Variants in HOXC4 observed in about 807,000 individuals in gnomAD.
HOXC4 encodes homeobox protein Hox-C4.
Under a neutral mutation model 25.5 loss-of-function variants are expected in HOXC4, and 15 were observed. That is an observed-to-expected ratio of 0.59 (90% CI 0.39 to 0.91). The LOEUF (loss-of-function observed/expected upper bound fraction) is 0.91, where lower values mean the gene tolerates loss of function less well. Among genes scored for constraint, HOXC4 ranks in the 40% least tolerant of loss-of-function variants. The probability of loss-of-function intolerance (pLI) is 0.00; values close to 1 mark genes in which losing one functional copy is unlikely to be tolerated. For synonymous variants in HOXC4, 165 were observed against 148.0 expected (o/e 1.11, Z -0.83); for missense variants, 342 against 352.4 (o/e 0.97, Z 0.24).
intron 1 of HOXC4, among the ~76,000 whole-genome samples, chr12:54,024,083 C>CAGCAA (rs1215844785): frequency 1.3e-5 from 2 of 152,236 alleles, no homozygotes; most frequent in Admixed American, 6.5e-5. Flanking sequence ...CGCTCCAGAA[C>CAGCAA]AGCAAAGCCT....
At chr12:54,052,571 G>C (rs906793228), upstream of HOXC4, among the ~76,000 whole-genome samples, 1 of 116,866 alleles carries the variant, frequency 8.6e-6, no homozygotes, top group Non-Finnish European at 1.8e-5. Context: ...CCCCTAGCTG[G>C]GGGGGGGGGG....
At chr12:54,040,151 A>C (rs1407653973) in intron 1 of HOXC4, among the ~76,000 whole-genome samples, 2 of 152,102 alleles carry the variant, frequency 1.3e-5, no homozygotes, top group Non-Finnish European at 2.9e-5. Flanking sequence ...CACTACCCCA[A>C]ACCCTAATTT....
At chr12:54,043,962 GTGTGTT>G (rs750141399) in intron 1 of HOXC4, among the ~76,000 whole-genome samples, 3,281 of 122,462 alleles carry the variant, frequency 0.027, 64 homozygotes, top group African/African-American at 0.051. Context: ...GTGTGTGTGT[GTGTGTT>G]TAGGGAGTAG....
chr12:54,041,476 A>C (rs1428736715), intron 1 of HOXC4, among the ~76,000 whole-genome samples: 1 of 152,208 alleles, frequency 6.6e-6, no homozygotes, highest in East Asian at 1.9e-4. Flanking sequence ...GGGGGCATTA[A>C]GAGTACAAGA....
intron 1 of HOXC4, among the ~76,000 whole-genome samples, chr12:54,047,389 G>T (rs1937740005): frequency 6.6e-6 from 1 of 152,372 alleles, no homozygotes; most frequent in Admixed American, 6.5e-5. Flanking sequence ...GAGCACCGCG[G>T]CAGGACCATT....
rs184131116 is a variant in HOXC4, at chr12:54,026,747, A to G, written c.-124+9333A>G. Among the ~76,000 whole-genome samples, 478 of 152,306 alleles carry G rather than the reference A, an allele frequency of 3.1e-3. 3 individuals carry two copies. Among genetic ancestry groups the G allele is most frequent in the African/African-American group, 0.011 (438 of 41,572 alleles). On this transcript the variant is annotated intron_variant, in intron 1 of 3. Coordinates refer to the HOXC4 transcript ENST00000303406. ...TGCACACTGTCTGCTTTTGGGTTCG[A>G]AACTTTATTTTTCCCCCCTAGCGAC...
rs764032536 is a variant in HOXC4, at chr12:54,054,150, C to T, written c.228C>T (p.Gly76=). The change falls in exon 1 of 2, where the codon GGC becomes GGT. Residue 76 remains glycine, a synonymous_variant. Coordinates refer to ENST00000430889, the MANE Select transcript of HOXC4 (RefSeq NM_153633.3). ...QYSCTSLQGP[G]NSRGHGPAQA... Reference sequence around the variant, plus strand: ...GCTGCACCAGTCTCCAGGGGCCCGGCAATTCGCGAGGCCACGGGCCGGCCC... The same window carrying T: ...GCTGCACCAGTCTCCAGGGGCCCGGTAATTCGCGAGGCCACGGGCCGGCCC... The T allele has an allele frequency of 5.9e-5, 95 of 1,613,940 alleles. No individual in the cohort carries two copies. In the Middle Eastern group the frequency reaches 1.3e-3, roughly 22 times the overall value.
At chr12:54,046,847 G>A (rs1937723927) in intron 1 of HOXC4, among the ~76,000 whole-genome samples, 1 of 152,142 alleles carries the variant, frequency 6.6e-6, no homozygotes, top group Non-Finnish European at 1.5e-5. Flanking sequence ...CTTGGGTGGA[G>A]GGGCTGAACA....
chr12:54,019,831 A>AT (rs964451542), intron 1 of HOXC4: 30 of 151,816 alleles, frequency 2.0e-4, no homozygotes, highest in African/African-American at 7.0e-4. Flanking sequence ...ATTTTAATTG[A>AT]TTTTCTGTCC....
chr12:54,054,718 C>T, intron 1 of HOXC4, 132 bp from the exon 2 acceptor site: 1 of 641,522 alleles, frequency 1.6e-6, no homozygotes, highest in South Asian at 2.0e-5. Context: ...TTCTTTATAA[C>T]CCATTTAAGC....
At chr12:54,042,928 G>A (rs1340707840) in intron 1 of HOXC4, among the ~76,000 whole-genome samples, 2 of 152,190 alleles carry the variant, frequency 1.3e-5, no homozygotes, top group Non-Finnish European at 2.9e-5. Context: ...CAAGGTCTGG[G>A]TTGAGGAACT....
intron 1 of HOXC4, chr12:54,034,530 G>C (rs777472361): frequency 1.9e-6 from 3 of 1,542,972 alleles, no homozygotes; most frequent in Non-Finnish European, 2.7e-6. Flanking sequence ...GCCCCTAGCC[G>C]GTTCCTGTCC....
In HOXC4 at chr12:54,031,244, G is replaced by A. The variant is rs185926586; in HGVS notation, c.-124+13830G>A. On this transcript the variant is annotated intron_variant, in intron 1 of 3. Transcript: ENST00000303406. Reference sequence around the variant, plus strand: ...CTCCTCCACCCACTCCCGGGAGTTGGAGGCGGGGGGCGCCGTGAGAGCAAG... The same window carrying A: ...CTCCTCCACCCACTCCCGGGAGTTGAAGGCGGGGGGCGCCGTGAGAGCAAG... Among the ~76,000 whole-genome samples the A allele has an allele frequency of 4.6e-5, 7 of 152,342 alleles. No individual in the cohort carries two copies. In the East Asian group the frequency reaches 1.4e-3, roughly 29 times the overall value.
chr12:54,044,923 C>T (rs1469999637), intron 1 of HOXC4, among the ~76,000 whole-genome samples: 1 of 152,210 alleles, frequency 6.6e-6, no homozygotes, highest in Non-Finnish European at 1.5e-5. Flanking sequence ...TAAGAGCCCT[C>T]TAATTCAGCC....
At chr12:54,018,338 C>G (rs1940259639) in intron 1 of HOXC4, among the ~76,000 whole-genome samples, 1 of 152,198 alleles carries the variant, frequency 6.6e-6, no homozygotes, top group Non-Finnish European at 1.5e-5. Context: ...CTAGGACCTG[C>G]CTCGCCTCGG....
At chr12:54,026,303 C>A (rs1285165096) in intron 1 of HOXC4, among the ~76,000 whole-genome samples, 1 of 152,160 alleles carries the variant, frequency 6.6e-6, no homozygotes, top group Non-Finnish European at 1.5e-5. Context: ...CACCTCTTGC[C>A]CTCCAGGGGG....
At chr12:54,029,588 A>G in intron 1 of HOXC4, 1 of 1,525,908 alleles carries the variant, frequency 6.6e-7, no homozygotes, top group Non-Finnish European at 8.9e-7. Flanking sequence ...GGACTTTGCT[A>G]GGCGAAACAG....
Position 54,054,324 on chromosome 12 carries a change from A to C in HOXC4, c.402A>C (p.Ile134=). The part of the protein sequence containing the change: ...HPSSAASKQP[I]VYPWMKKIHV... ...CCAGCGCCGCCAGCAAGCAACCCAT[A>C]GTCTACCCATGGATGAAAAAAATTC... is the stretch of plus-strand genomic sequence containing the variant. The change falls in exon 1 of 2, where the codon ATA becomes ATC. Residue 134 remains isoleucine (I), a synonymous_variant. Transcript: ENST00000430889. The C allele has an allele frequency of 6.3e-7, 1 of 1,597,704 alleles. No homozygotes were observed. The highest frequency in any genetic ancestry group is 8.5e-7 in the Non-Finnish European group (1 of 1,173,192).
chr12:54,031,440 T>A (rs1940983381), intron 1 of HOXC4, among the ~76,000 whole-genome samples: 1 of 152,224 alleles, frequency 6.6e-6, no homozygotes, highest in Non-Finnish European at 1.5e-5. Flanking sequence ...ACTCCTGACG[T>A]GGCCGGGACA....
Sources: gnomAD v4.1 joint callset for allele counts (sites outside exome capture counted in the v4.1 genomes callset) on GRCh38, gnomAD v4.1.1 for gene constraint, MANE v1.5 for transcripts, NCBI Gene and HGNC (gene_info 2026-07-23, HGNC 2026-07-21) for gene names.